Variants in IGF2BP3 observed in about 807,000 individuals in gnomAD.
IGF2BP3 encodes the protein insulin like growth factor 2 mRNA binding protein 3.
IGF2BP3 carries 9 observed loss-of-function variants against 73.8 expected under a neutral mutation model. The ratio of observed to expected loss-of-function variants is 0.12; its 90% CI spans 0.07 to 0.21. IGF2BP3 has a LOEUF of 0.21. Among genes scored for constraint, IGF2BP3 ranks in the 10% least tolerant of loss-of-function variants. IGF2BP3 has a pLI of 1.00. For synonymous variants in IGF2BP3, 258 were observed against 256.7 expected (o/e 1.01, Z -0.05); for missense variants, 542 against 714.0 (o/e 0.76, Z 2.75).
In IGF2BP3 at chr7:23,311,757, A is replaced by C. The variant is rs1783836398; in HGVS notation, c.*605T>G. 6.6e-6 allele frequency: 1 copy of C among 152,616 alleles called. No individual in the cohort carries two copies. The allele number at this position is 152,616 out of a possible 1,614,324, so 9.5% of individuals were successfully genotyped here. A position where few individuals can be genotyped will look rare whatever the true frequency, so the allele number is the denominator to read the frequency against. On this transcript the variant is annotated 3_prime_UTR_variant, in exon 15 of 15. Coordinates refer to ENST00000258729, the MANE Select transcript of IGF2BP3 (RefSeq NM_006547.3). ...TAAAGTATATAAAATTTTCAAAAAA[A>C]AGGAACAATTTTGCTTTTCATTGTA... is the stretch of plus-strand genomic sequence containing the variant.
chr7:23,428,746 A>C (rs1249311010), intron 2 of IGF2BP3, among the ~76,000 whole-genome samples: 1 of 149,052 alleles, frequency 6.7e-6, no homozygotes, highest in Non-Finnish European at 1.5e-5. Flanking sequence ...AAAAAAAAGG[A>C]GTCCAAAGAT....
intron 3 of IGF2BP3, among the ~76,000 whole-genome samples, chr7:23,362,986 C>A (rs780227049): frequency 4.6e-5 from 7 of 151,236 alleles, no homozygotes; most frequent in Non-Finnish European, 7.4e-5. Flanking sequence ...AACTCCTGAG[C>A]TCAAGGGATC....
intron 2 of IGF2BP3, among the ~76,000 whole-genome samples, chr7:23,463,560 T>C (rs752408986): frequency 6.6e-6 from 1 of 152,246 alleles, no homozygotes; most frequent in Non-Finnish European, 1.5e-5. Flanking sequence ...AACAAAATAC[T>C]ATATACCCCT....
At chr7:23,398,291 T>C (rs569064937) in intron 3 of IGF2BP3, among the ~76,000 whole-genome samples, 4 of 152,348 alleles carry the variant, frequency 2.6e-5, no homozygotes, top group East Asian at 3.9e-4. Context: ...ATGTGCCACA[T>C]TTTCTTAATC....
intron 5 of IGF2BP3, 37 bp downstream of exon 5, chr7:23,361,493 CTTAG>C (rs1562699488): frequency 3.3e-6 from 5 of 1,519,286 alleles, no homozygotes; most frequent in Non-Finnish European, 4.5e-6. Flanking sequence ...CTGTACTTAA[CTTAG>C]TTATTATATA....
chr7:23,395,484 A>G (rs444414), intron 3 of IGF2BP3, among the ~76,000 whole-genome samples: 101,207 of 151,998 alleles, frequency 0.67, 34,433 homozygotes, highest in East Asian at 0.89. Context: ...ACCTCGGGCC[A>G]AGTGCAGTGG....
chr7:23,387,541 ATG>A (rs1786125829), intron 3 of IGF2BP3, among the ~76,000 whole-genome samples: 1 of 79,212 alleles, frequency 1.3e-5, no homozygotes, highest in South Asian at 4.2e-4. Context: ...TCAAGTATTA[ATG>A]TTAATAACAG....
chr7:23,426,226 C>T (rs775602077), intron 2 of IGF2BP3, among the ~76,000 whole-genome samples: 1 of 148,320 alleles, frequency 6.7e-6, no homozygotes, highest in African/African-American at 2.5e-5. Flanking sequence ...AATTGGGAGG[C>T]TGAGGCAGGA....
At chr7:23,336,988 C>G (rs1784590480) in intron 10 of IGF2BP3, among the ~76,000 whole-genome samples, 2 of 151,640 alleles carry the variant, frequency 1.3e-5, no homozygotes, top group Non-Finnish European at 2.9e-5. Flanking sequence ...AGCAAAGAAA[C>G]TGGTAAAGCT....
At chr7:23,433,005 C>A (rs1398714441) in intron 2 of IGF2BP3, among the ~76,000 whole-genome samples, 1 of 152,294 alleles carries the variant, frequency 6.6e-6, no homozygotes, top group East Asian at 1.9e-4. Flanking sequence ...TGAACAGTTA[C>A]TATTTAAATA....
intron 3 of IGF2BP3, among the ~76,000 whole-genome samples, chr7:23,385,503 C>G (rs926435393): frequency 6.6e-6 from 1 of 152,068 alleles, no homozygotes; most frequent in African/African-American, 2.4e-5. Context: ...AATCTAACCA[C>G]CGATTCACAA....
chr7:23,415,453 C>G (rs1053176237), intron 3 of IGF2BP3: 1 of 188,504 alleles, frequency 5.3e-6, no homozygotes, highest in Admixed American at 6.7e-5. Context: ...ATCCGCAGGT[C>G]CCCCTCCGTC....
chr7:23,370,009 A>AC (rs1251228731), intron 3 of IGF2BP3, among the ~76,000 whole-genome samples: 9 of 152,010 alleles, frequency 5.9e-5, no homozygotes, highest in Non-Finnish European at 1.0e-4. Context: ...AGCAGTTACT[A>AC]CCCTTCTGTG....
chr7:23,412,842 C>CTTTTTTTTT lies in IGF2BP3; in HGVS notation c.285+5925_285+5933dup, dbSNP rs557467066. 7.3e-4 allele frequency among the ~76,000 whole-genome samples: 27 copies of CTTTTTTTTT among 37,014 alleles called. 5 individuals are homozygous for CTTTTTTTTT. The highest frequency in any genetic ancestry group is 1.4e-3 in the African/African-American group (13 of 9,176). The allele number at this position is 37,014 out of a possible 152,430, so 24.3% of individuals were successfully genotyped here. A position where few individuals can be genotyped will look rare whatever the true frequency, so the allele number is the denominator to read the frequency against. ...GAAATCCTTTCCTTAAGACTCTGGC[C>CTTTTTTTTT]TTTTTTTTTTTTTTTTTTTTTTTTT... On this transcript the variant is annotated intron_variant, in intron 3 of 14. Coordinates refer to ENST00000258729, the MANE Select transcript of IGF2BP3 (RefSeq NM_006547.3).
At chr7:23,315,491 C>T (rs551882531) in intron 12 of IGF2BP3, among the ~76,000 whole-genome samples, 2 of 152,272 alleles carry the variant, frequency 1.3e-5, no homozygotes, top group African/African-American at 4.8e-5. Context: ...TATAAACAAC[C>T]TATTACATAC....
At chr7:23,315,282 A>G (rs1205230941) in intron 12 of IGF2BP3, among the ~76,000 whole-genome samples, 1 of 147,356 alleles carries the variant, frequency 6.8e-6, no homozygotes, top group Non-Finnish European at 1.5e-5. Context: ...TAATTTTTGT[A>G]TTTTTAGTAG....
chr7:23,448,114 A>G (rs1788107949), intron 2 of IGF2BP3, among the ~76,000 whole-genome samples: 1 of 152,256 alleles, frequency 6.6e-6, no homozygotes, highest in South Asian at 2.1e-4. Flanking sequence ...CCATTTGGTC[A>G]TCCTTAAAAA....
chr7:23,336,613 G>A (rs1021006951), intron 10 of IGF2BP3, among the ~76,000 whole-genome samples: 3 of 151,642 alleles, frequency 2.0e-5, no homozygotes, highest in Non-Finnish European at 4.4e-5. Context: ...TCATCGCAAC[G>A]CCTGGTTGTT....
chr7:23,316,468 G>C (rs1783990754), intron 12 of IGF2BP3, among the ~76,000 whole-genome samples: 1 of 151,994 alleles, frequency 6.6e-6, no homozygotes, highest in Admixed American at 6.6e-5. Flanking sequence ...GATCACTTGA[G>C]GTCAGGAGTT....
Sources: gnomAD v4.1 joint callset for allele counts (sites outside exome capture counted in the v4.1 genomes callset) on GRCh38, gnomAD v4.1.1 for gene constraint, MANE v1.5 for transcripts, NCBI Gene and HGNC (gene_info 2026-07-23, HGNC 2026-07-21) for gene names.